THADA: variants seen among roughly 807,000 people sequenced by gnomAD.
THADA encodes the protein tRNA (32-2'-O)-methyltransferase regulator THADA.
In THADA, 213 loss-of-function variants were observed where a neutral mutation model predicts 219.8. That is an observed-to-expected ratio of 0.97 (90% CI 0.87 to 1.09). The LOEUF (loss-of-function observed/expected upper bound fraction) is 1.09, where lower values mean the gene tolerates loss of function less well. Among genes scored for constraint, THADA ranks in the 50% least tolerant of loss-of-function variants. THADA has a pLI of 0.00. For missense variants in THADA, 2,956 were observed against 2,311.3 expected (o/e 1.28, Z -5.72); for synonymous variants, 1,018 against 828.9 (o/e 1.23, Z -3.92).
In THADA at chr2:43,574,747, A is replaced by T; in HGVS notation, c.1318T>A (p.Leu440Met). 1.9e-6 allele frequency: 3 copies of T among 1,614,052 alleles called. No individual in the cohort carries two copies. Among genetic ancestry groups the T allele is most frequent in the Non-Finnish European group, 2.5e-6 (3 of 1,179,894 alleles). The change falls in exon 11 of 38, where the codon TTG becomes ATG. Residue 440 changes from leucine (L) to methionine (M), a missense_variant. Leu to Met is a conservative substitution (Grantham distance 15). Coordinates refer to ENST00000405975, the MANE Select transcript of THADA (RefSeq NM_022065.5). The part of the protein sequence containing the change: ...DFVPDPFFVE[L>M]TESLLRLEWH... ...TCCAATCGTAAAAGACTCTCAGTCA[A>T]TTCCACAAAGAAAGGATCAGGGACG...
chr2:43,433,394 C>T (rs1174379834), intron 26 of THADA, among the ~76,000 whole-genome samples: 7 of 151,704 alleles, frequency 4.6e-5, no homozygotes, highest in East Asian at 2.0e-4. Context: ...CCGGGTGTGG[C>T]GGTGCATGCC....
rs951678704 is a variant in THADA, at chr2:43,504,883, C to T, written c.3621+739G>A. ...TGAGCAACAGAGTGAGACTCTGTCT[C>T]AAAAAACAAACAAACCAAAAAGGAG... On this transcript the variant is annotated intron_variant, in intron 24 of 37. Transcript: ENST00000405975. 3.9e-5 allele frequency among the ~76,000 whole-genome samples: 6 copies of T among 152,262 alleles called. No homozygotes were observed. The South Asian group carries it at 1.2e-3, about 32-fold the overall frequency.
intron 29 of THADA, among the ~76,000 whole-genome samples, chr2:43,368,615 CT>C (rs1441561166): frequency 6.6e-6 from 1 of 151,638 alleles, no homozygotes; most frequent in East Asian, 1.9e-4. Context: ...CCAGGTTGGT[CT>C]GGAACTCCTG....
chr2:43,275,306 G>T (rs536010993), intron 36 of THADA, among the ~76,000 whole-genome samples: 1 of 152,170 alleles, frequency 6.6e-6, no homozygotes, highest in Non-Finnish European at 1.5e-5. Flanking sequence ...CACCTGGCCA[G>T]AAACTGTTTT....
chr2:43,490,301 T>A (rs1019321900), intron 25 of THADA, among the ~76,000 whole-genome samples: 2 of 152,194 alleles, frequency 1.3e-5, no homozygotes, highest in African/African-American at 4.8e-5. Context: ...TAGTTTTGCA[T>A]CTTCCTTTAC....
chr2:43,555,290 A>G (rs2103901720), intron 17 of THADA, among the ~76,000 whole-genome samples: 1 of 151,810 alleles, frequency 6.6e-6, no homozygotes, highest in Non-Finnish European at 1.5e-5. Flanking sequence ...GATAAAGGAA[A>G]GGCTTCAAAG....
intron 22 of THADA, among the ~76,000 whole-genome samples, chr2:43,515,773 A>G (rs1315942932): frequency 6.6e-6 from 1 of 152,110 alleles, no homozygotes; most frequent in Non-Finnish European, 1.5e-5. Context: ...AGAAAAAGAC[A>G]ATCTGAAATA....
rs115752084 is a variant in THADA, at chr2:43,582,957, C to T, written c.534-1029G>A. Among the ~76,000 whole-genome samples, 498 of 152,278 alleles carry T rather than the reference C, an allele frequency of 3.3e-3. 3 individuals are homozygous for T. The highest frequency in any genetic ancestry group is 0.012 in the African/African-American group (483 of 41,556). ...TCGGATACCTTCACTAATTCATCCT[C>T]TTCTCCCTGATCTTTTTATGTTAGG... On this transcript the variant is annotated intron_variant, in intron 7 of 37. Coordinates refer to ENST00000405975, the MANE Select transcript of THADA (RefSeq NM_022065.5).
At position 43,577,036 on chromosome 2, in the gene THADA, G is replaced by A. The variant is rs1215521918; in HGVS notation, c.1023C>T (p.Phe341=). 3 of 1,612,738 alleles carry A rather than the reference G, an allele frequency of 1.9e-6. No individual in the cohort carries two copies. Among genetic ancestry groups the A allele is most frequent in the Admixed American group, 1.7e-5 (1 of 59,820 alleles). Residue 341 remains phenylalanine (F), a synonymous_variant, in exon 10 of 38, where the codon TTC becomes TTT. Transcript: ENST00000405975. ...ALLLDTAHVL[F]TLSSQIKEPT... ...TCAAAACTCACTGTGAACTCAAGGT[G>A]AACAAAACATGTGCAGTATCCAAGA... is the stretch of plus-strand genomic sequence containing the variant.
intron 31 of THADA, among the ~76,000 whole-genome samples, chr2:43,304,672 C>CG (rs1558551224): frequency 1.3e-3 from 188 of 139,670 alleles, no homozygotes; most frequent in African/African-American, 5.5e-3. Flanking sequence ...GAGCAGACTT[C>CG]ATTTTTTTTT....
chr2:43,297,221 C>A (rs1675537943), intron 31 of THADA, among the ~76,000 whole-genome samples: 1 of 106,650 alleles, frequency 9.4e-6, no homozygotes. Context: ...AGCGCCTCTG[C>A]CCGGCCGAGA....
rs181347258 is a variant in THADA, at chr2:43,472,019, A to G, written c.3836+13215T>C. 3.3e-5 allele frequency among the ~76,000 whole-genome samples: 5 copies of G among 152,360 alleles called. No homozygotes were observed. The East Asian group carries it at 9.6e-4, about 29-fold the overall frequency. On this transcript the variant is annotated intron_variant, in intron 26 of 37. Transcript: ENST00000405975. ...TCCTTTTGCTATTTTGATTAAAGAAATTCTACAAAGAGTGATATTATACAC... is the reference window on the plus strand; with the variant it reads ...TCCTTTTGCTATTTTGATTAAAGAAGTTCTACAAAGAGTGATATTATACAC...
intron 21 of THADA, among the ~76,000 whole-genome samples, chr2:43,537,650 T>A (rs1694778263): frequency 6.6e-6 from 1 of 152,128 alleles, no homozygotes; most frequent in South Asian, 2.1e-4. Context: ...CTGGGCATCA[T>A]AAAAGTTACA....
chr2:43,589,246 G>C (rs973758420), intron 4 of THADA, among the ~76,000 whole-genome samples: 17 of 152,012 alleles, frequency 1.1e-4, no homozygotes, highest in African/African-American at 3.9e-4. Context: ...AAGATGCATG[G>C]ATGAAAAAAA....
intron 20 of THADA, among the ~76,000 whole-genome samples, chr2:43,546,494 T>C (rs1409386985): frequency 6.6e-6 from 1 of 152,192 alleles, no homozygotes; most frequent in Non-Finnish European, 1.5e-5. Context: ...ATTATTATTG[T>C]GTGGGAGTCT....
chr2:43,434,593 G>A (rs1679827617), intron 26 of THADA, among the ~76,000 whole-genome samples: 2 of 152,218 alleles, frequency 1.3e-5, no homozygotes, highest in Admixed American at 1.3e-4. Context: ...ACAGGCACCA[G>A]CAGGCCATCG....
intron 26 of THADA, among the ~76,000 whole-genome samples, chr2:43,441,366 T>A (rs1281331318): frequency 6.6e-6 from 1 of 152,204 alleles, no homozygotes; most frequent in African/African-American, 2.4e-5. Context: ...GAGCATCATC[T>A]CAACTCTGCA....
intron 29 of THADA, among the ~76,000 whole-genome samples, chr2:43,377,386 G>T (rs1671502396): frequency 6.6e-6 from 1 of 151,896 alleles, no homozygotes; most frequent in Admixed American, 6.6e-5. Flanking sequence ...TTTAGACATA[G>T]ATTTTTTTTT....
At chr2:43,246,511 C>T (rs1055166381) in intron 36 of THADA, among the ~76,000 whole-genome samples, 4 of 151,410 alleles carry the variant, frequency 2.6e-5, no homozygotes, top group Admixed American at 2.0e-4. Flanking sequence ...AACAAACAAA[C>T]AAACAAACAA....
Sources: gnomAD v4.1 joint callset for allele counts (sites outside exome capture counted in the v4.1 genomes callset) on GRCh38, gnomAD v4.1.1 for gene constraint, MANE v1.5 for transcripts, NCBI Gene and HGNC (gene_info 2026-07-23, HGNC 2026-07-21) for gene names.